ITSN1: variants seen among roughly 807,000 people sequenced by gnomAD.
The protein encoded by ITSN1 is intersectin 1, also known as intersectin-1.
A neutral mutation model predicts 239.8 loss-of-function variants in ITSN1; 58 were observed. The observed-to-expected ratio is 0.24, with a 90% CI of 0.20 to 0.30. ITSN1 has a LOEUF of 0.30. Ranked by LOEUF, ITSN1 falls within the 10% of genes least tolerant of loss-of-function variation. The probability of loss-of-function intolerance (pLI) is 1.00; values close to 1 mark genes in which losing one functional copy is unlikely to be tolerated. For synonymous variants in ITSN1, 780 were observed against 770.8 expected, an observed-to-expected ratio of 1.01 and a Z score of -0.20; for missense variants, 1,558 against 2,103.3, an observed-to-expected ratio of 0.74 and a Z score of 5.07.
intron 1 of ITSN1, among the ~76,000 whole-genome samples, chr21:33,670,986 G>A (rs1490379854): frequency 6.6e-6 from 1 of 152,218 alleles, no homozygotes; most frequent in Non-Finnish European, 1.5e-5. Context: ...TGAATGTGTA[G>A]TGAAACTTGG....
At chr21:33,884,908 A>C (rs975190502) in intron 36 of ITSN1, 133 bp from the exon 37 acceptor site, 4 of 672,084 alleles carry the variant, frequency 6.0e-6, no homozygotes, top group African/African-American at 5.4e-5. Flanking sequence ...ATAAAATCAG[A>C]TTTTCTTTCC....
chr21:33,848,483 G>A (rs368088995), intron 29 of ITSN1, among the ~76,000 whole-genome samples: 36 of 152,304 alleles, frequency 2.4e-4, no homozygotes, highest in African/African-American at 8.2e-4. Flanking sequence ...GCAGATTAGC[G>A]CACCAGCGAG....
chr21:33,773,511 G>A lies in ITSN1; in HGVS notation c.1305+1188G>A, dbSNP rs527829841. On this transcript the variant is annotated intron_variant, in intron 12 of 39. Coordinates refer to ENST00000381318, the MANE Select transcript of ITSN1 (RefSeq NM_003024.3). ...AGATAAAAATGAGGAATTTTTCGAT[G>A]TAAAAAAATAGCCTGAGTGCTGTGC... Among the ~76,000 whole-genome samples, 6 of 151,808 alleles carry A rather than the reference G, an allele frequency of 4.0e-5. 1 individual carries two copies. The South Asian group carries it at 1.3e-3, about 32-fold the overall frequency.
intron 8 of ITSN1, among the ~76,000 whole-genome samples, chr21:33,758,564 TTTAA>T (rs754258481): frequency 1.8e-4 from 27 of 152,170 alleles, no homozygotes; most frequent in Middle Eastern, 3.2e-3. Context: ...GGGATCATTC[TTTAA>T]TTAAGGTTAT....
chr21:33,645,102 G>T (rs2087815168), intron 1 of ITSN1, among the ~76,000 whole-genome samples: 1 of 152,160 alleles, frequency 6.6e-6, no homozygotes, highest in African/African-American at 2.4e-5. Flanking sequence ...AGGATTAGAG[G>T]AATGAGCCAC....
chr21:33,807,339 A>G (rs1260921080), intron 20 of ITSN1, among the ~76,000 whole-genome samples: 1 of 152,130 alleles, frequency 6.6e-6, no homozygotes, highest in Non-Finnish European at 1.5e-5. Flanking sequence ...CCAGGGCTTC[A>G]GGTCGCATTC....
Position 33,813,956 on chromosome 21 carries a change from G to A in ITSN1, c.2611G>A (p.Asp871Asn). The part of the protein sequence containing the change: ...TNEKPETDNW[D>N]AWAAQPSLTV... ...TGAGAAACCAGAAACGGATAACTGG[G>A]ATGCATGGGCAGCCCAGCCCTCTCT... Residue 871 changes from aspartate (D) to asparagine (N), a missense_variant, in exon 22 of 40, where the codon GAT becomes AAT. Physicochemically the swap from Asp to Asn is conservative, Grantham distance 23. Transcript: ENST00000381318. The A allele has an allele frequency of 1.2e-6, 2 of 1,614,018 alleles. No individual in the cohort carries two copies. The highest frequency in any genetic ancestry group is 8.5e-7 in the Non-Finnish European group (1 of 1,180,006).
intron 4 of ITSN1, among the ~76,000 whole-genome samples, chr21:33,730,986 G>A (rs1333880085): frequency 2.6e-5 from 4 of 152,162 alleles, no homozygotes; most frequent in Non-Finnish European, 5.9e-5. Flanking sequence ...ATGAGCCACC[G>A]CGCCCAGCCG....
intron 27 of ITSN1, among the ~76,000 whole-genome samples, chr21:33,833,248 G>T (rs1569274554): frequency 6.6e-6 from 1 of 152,136 alleles, no homozygotes; most frequent in Admixed American, 6.5e-5. Flanking sequence ...CTCCATAAAT[G>T]AGTCTTGTGT....
chr21:33,749,658 GAAAAA>G (rs949686912), intron 5 of ITSN1, among the ~76,000 whole-genome samples: 9 of 151,066 alleles, frequency 6.0e-5, no homozygotes, highest in African/African-American at 2.2e-4. Context: ...AAAAAGAAAA[GAAAAA>G]AGAAAAGAAA....
At chr21:33,654,836 C>T (rs2070391) in intron 1 of ITSN1, among the ~76,000 whole-genome samples, 17,829 of 151,982 alleles carry the variant, frequency 0.12, 1,165 homozygotes, top group East Asian at 0.25. Context: ...CACTACCTGA[C>T]TCTCTGACAG....
Position 33,765,881 on chromosome 21 carries a change from T to G in ITSN1, c.795T>G (p.Leu265=). ...PQAQLASIWN[L]SDIDQDGKLT... ...TTAACTTTTTGTTGAATAGGAATCTTTCTGACATTGATCAAGATGGAAAAC... is the reference window on the plus strand; with the variant it reads ...TTAACTTTTTGTTGAATAGGAATCTGTCTGACATTGATCAAGATGGAAAAC... Residue 265 remains leucine, a synonymous_variant, in exon 10 of 40, where the codon CTT becomes CTG. Coordinates refer to ENST00000381318, the MANE Select transcript of ITSN1 (RefSeq NM_003024.3). The G allele has an allele frequency of 6.2e-7, 1 of 1,614,144 alleles. No individual in the cohort carries two copies. The highest frequency in any genetic ancestry group is 8.5e-7 in the Non-Finnish European group (1 of 1,179,986).
At chr21:33,794,309 C>A in intron 16 of ITSN1, 32 bp from the exon 17 acceptor site, 1 of 1,482,288 alleles carries the variant, frequency 6.7e-7, no homozygotes, top group South Asian at 1.2e-5. Flanking sequence ...TCACTCATGT[C>A]GCTACATGAA....
intron 1 of ITSN1, among the ~76,000 whole-genome samples, chr21:33,690,599 C>CA (rs569030256): frequency 4.5e-4 from 56 of 124,890 alleles, no homozygotes; most frequent in East Asian, 1.2e-3. Flanking sequence ...GACTCCGTTT[C>CA]AAAAAAAAAA....
At chr21:33,809,355 C>T (rs1772472648) in intron 20 of ITSN1, among the ~76,000 whole-genome samples, 1 of 152,208 alleles carries the variant, frequency 6.6e-6, no homozygotes, top group Non-Finnish European at 1.5e-5. Flanking sequence ...AGTGGAGCAG[C>T]AAGCAGGCAT....
chr21:33,810,867 C>CATAT (rs773888543), intron 20 of ITSN1, 108 bp from the exon 21 acceptor site: 1 of 1,215,976 alleles, frequency 8.2e-7, no homozygotes, highest in Non-Finnish European at 1.2e-6. Context: ...ATTCCTATGC[C>CATAT]ATATGTCAAT....
chr21:33,743,693 A>G (rs575552185), intron 5 of ITSN1, among the ~76,000 whole-genome samples: 1 of 152,348 alleles, frequency 6.6e-6, no homozygotes, highest in South Asian at 2.1e-4. Flanking sequence ...TATCAATCTA[A>G]AAAGTCCAAC....
intron 16 of ITSN1, among the ~76,000 whole-genome samples, chr21:33,786,767 A>G (rs138508834): frequency 1.3e-5 from 2 of 152,296 alleles, no homozygotes; most frequent in East Asian, 3.9e-4. Context: ...CTGTCTAGTC[A>G]GTGTGTACTG....
intron 1 of ITSN1, among the ~76,000 whole-genome samples, chr21:33,663,389 C>T (rs1174009080): frequency 0.056 from 5 of 90 alleles, no homozygotes; most frequent in African/African-American, 0.17. Context: ...TTAGATGGGC[C>T]GTTAGGCATA....
Sources: allele counts gnomAD v4.1 joint callset (sites outside exome capture counted in the v4.1 genomes callset), GRCh38; gene constraint gnomAD v4.1.1; transcripts MANE v1.5; gene names NCBI Gene and HGNC (gene_info 2026-07-23, HGNC 2026-07-21).